The following ADAMTSL1 variants were observed in gnomAD, a reference collection of about 807,000 sequenced individuals.
ADAMTSL1 encodes ADAMTS-like protein 1.
In ADAMTSL1, 126 loss-of-function variants were observed where a neutral mutation model predicts 201.8. The observed-to-expected ratio is 0.62, with a 90% CI of 0.54 to 0.72. The LOEUF (loss-of-function observed/expected upper bound fraction) is 0.72. Among genes scored for constraint, ADAMTSL1 ranks in the 30% least tolerant of loss-of-function variants. The pLI, the probability that ADAMTSL1 is intolerant of heterozygous loss-of-function variation, is 0.00. For synonymous variants in ADAMTSL1, 1,121 were observed against 903.4 expected (o/e 1.24, Z -4.32); for missense variants, 2,679 against 2,277.8 (o/e 1.18, Z -3.59).
chr9:18,383,188 T>C (rs1393653990), intron 2 of ADAMTSL1, among the ~76,000 whole-genome samples: 2 of 152,136 alleles, frequency 1.3e-5, no homozygotes, highest in East Asian at 3.9e-4. Context: ...AGGGAGTTAT[T>C]AAATAAGGTA....
chr9:18,444,166 T>C (rs1820101753), intron 2 of ADAMTSL1, among the ~76,000 whole-genome samples: 1 of 152,210 alleles, frequency 6.6e-6, no homozygotes. Context: ...TTCATGGTTT[T>C]AGAGAATTCT....
chr9:18,014,413 T>C (rs1165744127), intron 1 of ADAMTSL1, among the ~76,000 whole-genome samples: 2 of 152,080 alleles, frequency 1.3e-5, no homozygotes, highest in East Asian at 3.9e-4. Flanking sequence ...TTTTGTTCAC[T>C]AACAGAATTT....
At chr9:18,729,227 C>A (rs370833933) in intron 15 of ADAMTSL1, among the ~76,000 whole-genome samples, 2 of 152,148 alleles carry the variant, frequency 1.3e-5, no homozygotes, top group Non-Finnish European at 1.5e-5. Flanking sequence ...TGATCCCTGG[C>A]GGCCTTTCCA....
chr9:18,669,712 G>A (rs1829695478), intron 9 of ADAMTSL1, among the ~76,000 whole-genome samples: 1 of 152,174 alleles, frequency 6.6e-6, no homozygotes, highest in Non-Finnish European at 1.5e-5. Flanking sequence ...CTGTGGCCCA[G>A]TAAGCTCTGA....
At chr9:18,649,853 TGAG>T (rs1408065791) in intron 7 of ADAMTSL1, among the ~76,000 whole-genome samples, 4 of 152,156 alleles carry the variant, frequency 2.6e-5, no homozygotes, top group Non-Finnish European at 5.9e-5. Flanking sequence ...GGGACCTACT[TGAG>T]GAGGCAGTCT....
At chr9:18,035,517 T>C (rs879708899) in intron 1 of ADAMTSL1, among the ~76,000 whole-genome samples, 2 of 152,168 alleles carry the variant, frequency 1.3e-5, no homozygotes, top group Non-Finnish European at 2.9e-5. Context: ...TTCAGATACT[T>C]ATACAATTTA....
chr9:18,205,469 T>A (rs1163658425), intron 2 of ADAMTSL1, among the ~76,000 whole-genome samples: 6 of 151,928 alleles, frequency 3.9e-5, no homozygotes, highest in Non-Finnish European at 8.8e-5. Context: ...TTGTTTTGAG[T>A]AAATCTGGGA....
chr9:18,134,237 A>G (rs1330648232), intron 1 of ADAMTSL1, among the ~76,000 whole-genome samples: 1 of 152,194 alleles, frequency 6.6e-6, no homozygotes, highest in South Asian at 2.1e-4. Flanking sequence ...AGATGTGTGG[A>G]TGCTCTGAAC....
In ADAMTSL1 at chr9:17,912,714, G is replaced by T. The variant is rs1386694826; in HGVS notation, c.87+5792G>T. 6.2e-5 allele frequency among the ~76,000 whole-genome samples: 4 copies of T among 64,874 alleles called. 1 individual carries two copies. Among genetic ancestry groups the T allele is most frequent in the African/African-American group, 1.2e-4 (4 of 32,644 alleles). The allele number at this position is 64,874 out of a possible 152,430, so 42.6% of individuals were successfully genotyped here. ...AATTAGATCCCATTTGTCAATTTTG[G>T]CTTTTGTTGCCATTGTTTTTGGTGT... On this transcript the variant is annotated intron_variant, in intron 1 of 29. Coordinates refer to the ADAMTSL1 transcript ENST00000680146.
chr9:18,089,774 G>T (rs922089616), intron 1 of ADAMTSL1, among the ~76,000 whole-genome samples: 1 of 152,098 alleles, frequency 6.6e-6, no homozygotes, highest in African/African-American at 2.4e-5. Flanking sequence ...ACTGAGAATT[G>T]CTTATTGATA....
chr9:18,662,374 A>C (rs1487417828), intron 9 of ADAMTSL1, among the ~76,000 whole-genome samples: 1 of 152,132 alleles, frequency 6.6e-6, no homozygotes, highest in East Asian at 1.9e-4. Flanking sequence ...TTTCCTTAAC[A>C]AGGTCCAGGC....
chr9:18,606,848 C>G (rs1208959833), intron 4 of ADAMTSL1, among the ~76,000 whole-genome samples: 1 of 152,130 alleles, frequency 6.6e-6, no homozygotes, highest in East Asian at 1.9e-4. Context: ...CTATAATTTC[C>G]TAATGTAATT....
chr9:18,161,902 T>C (rs1827405253), intron 1 of ADAMTSL1, among the ~76,000 whole-genome samples: 1 of 152,064 alleles, frequency 6.6e-6, no homozygotes, highest in African/African-American at 2.4e-5. Context: ...TAGTATTTGT[T>C]AGTTCTTATG....
intron 5 of ADAMTSL1, chr9:18,622,704 G>T: frequency 2.3e-6 from 1 of 435,314 alleles, no homozygotes; most frequent in African/African-American, 2.0e-5. Context: ...AGTGTGCTAT[G>T]CCTGGTGGAA....
At chr9:18,420,949 T>C (rs1489087053) in intron 2 of ADAMTSL1, among the ~76,000 whole-genome samples, 1 of 152,144 alleles carries the variant, frequency 6.6e-6, no homozygotes, top group African/African-American at 2.4e-5. Flanking sequence ...ATCCTCAATG[T>C]CTGCCTAGAT....
intron 2 of ADAMTSL1, among the ~76,000 whole-genome samples, chr9:18,524,619 A>T (rs1818916042): frequency 1.3e-5 from 2 of 152,264 alleles, no homozygotes; most frequent in East Asian, 3.9e-4. Context: ...TGTTCCATTG[A>T]TACCTAGTTT....
intron 1 of ADAMTSL1, among the ~76,000 whole-genome samples, chr9:18,126,903 A>G (rs1173649446): frequency 1.3e-5 from 2 of 152,208 alleles, no homozygotes; most frequent in African/African-American, 2.4e-5. Context: ...GGAGTTTCCT[A>G]CACAACATTT....
chr9:18,711,673 G>A (rs1489941977), intron 14 of ADAMTSL1, among the ~76,000 whole-genome samples: 4 of 152,224 alleles, frequency 2.6e-5, no homozygotes, highest in African/African-American at 4.8e-5. Context: ...CTGGGGGAGG[G>A]GCGCCCGCCA....
chr9:18,798,434 A>T (rs1330410853), intron 20 of ADAMTSL1, among the ~76,000 whole-genome samples: 1 of 152,234 alleles, frequency 6.6e-6, no homozygotes, highest in African/African-American at 2.4e-5. Context: ...TTCATAAAAA[A>T]TGTTTATAAT....
Sources: allele counts gnomAD v4.1 joint callset (sites outside exome capture counted in the v4.1 genomes callset), GRCh38; gene constraint gnomAD v4.1.1; transcripts MANE v1.5; gene names NCBI Gene and HGNC (gene_info 2026-07-23, HGNC 2026-07-21).